The following BCAS3 variants were observed in gnomAD, a reference collection of about 807,000 sequenced individuals.
BCAS3 encodes the protein BCAS3 microtubule associated cell migration factor, also known as BCAS4/BCAS3 fusion.
Under a neutral mutation model 116.1 loss-of-function variants are expected in BCAS3, and 53 were observed. The observed-to-expected ratio is 0.46, with a 90% CI of 0.37 to 0.57. The LOEUF (loss-of-function observed/expected upper bound fraction) is 0.57. Ranked by LOEUF, BCAS3 falls within the 20% of genes least tolerant of loss-of-function variation. The pLI, the probability that BCAS3 is intolerant of heterozygous loss-of-function variation, is 0.00. For missense variants in BCAS3, 917 were observed against 1,165.4 expected (o/e 0.79, Z 3.10); for synonymous variants, 391 against 408.2 (o/e 0.96, Z 0.51).
At chr17:60,989,703 TGA>T (rs2063401660) in intron 14 of BCAS3, among the ~76,000 whole-genome samples, 1 of 152,114 alleles carries the variant, frequency 6.6e-6, no homozygotes, top group African/African-American at 2.4e-5. Context: ...CAAAGGGCAT[TGA>T]GTGTTTTAAG....
intron 22 of BCAS3, among the ~76,000 whole-genome samples, chr17:61,319,065 G>A (rs973455080): frequency 6.6e-6 from 1 of 152,182 alleles, no homozygotes; most frequent in African/African-American, 2.4e-5. Context: ...AGGGCTAGAG[G>A]ATTTCTAAAG....
At chr17:61,079,802 G>A (rs1294632218) in intron 21 of BCAS3, among the ~76,000 whole-genome samples, 2 of 151,256 alleles carry the variant, frequency 1.3e-5, no homozygotes, top group South Asian at 2.1e-4. Flanking sequence ...CAACATTTTG[G>A]CCAGGCTGGT....
intron 7 of BCAS3, among the ~76,000 whole-genome samples, chr17:60,845,702 A>G (rs777573415): frequency 6.6e-6 from 1 of 152,174 alleles, no homozygotes; most frequent in South Asian, 2.1e-4. Flanking sequence ...TGAAAATGCT[A>G]TCGTTCCTAG....
Position 61,161,478 on chromosome 17 carries a change from A to T in BCAS3, c.2425+76914A>T, listed in dbSNP as rs1034198060. ...ATAGCGTTTTCAAATTTATTCTTTA[A>T]AAGACAGAGATAGTGGCACAAAATG... is the stretch of plus-strand genomic sequence containing the variant. On this transcript the variant is annotated intron_variant, in intron 22 of 23. Transcript: ENST00000407086. The surrounding 1 kb of genome is among the most constrained non-coding windows in gnomAD (Gnocchi z 4.8). Among the ~76,000 whole-genome samples the T allele has an allele frequency of 2.6e-5, 4 of 152,198 alleles. No individual in the cohort carries two copies. The highest frequency in any genetic ancestry group is 2.6e-4 in the Admixed American group (4 of 15,282).
At position 61,203,015 on chromosome 17, in the gene BCAS3, T is replaced by C. The variant is rs992578843; in HGVS notation, c.2425+118451T>C. 6.6e-6 allele frequency among the ~76,000 whole-genome samples: 1 copy of C among 152,224 alleles called. No individual in the cohort carries two copies. The highest frequency in any genetic ancestry group is 1.5e-5 in the Non-Finnish European group (1 of 68,038). On this transcript the variant is annotated intron_variant, in intron 22 of 23. Transcript: ENST00000407086. The surrounding 1 kb of genome is among the most constrained non-coding windows in gnomAD (Gnocchi z 5.7). ...GTGAATTAGGGCTAATATTAAATTT[T>C]GTGTGGTTGCTGAAGAAGTTTACTG...
intron 22 of BCAS3, among the ~76,000 whole-genome samples, chr17:61,329,492 C>T (rs926903293): frequency 7.9e-5 from 12 of 152,080 alleles, no homozygotes; most frequent in South Asian, 2.1e-4. Context: ...AGGCGCCCGC[C>T]ACCACGCCCG....
chr17:60,895,527 T>C (rs1156684034), intron 10 of BCAS3, among the ~76,000 whole-genome samples: 2 of 152,202 alleles, frequency 1.3e-5, no homozygotes, highest in African/African-American at 4.8e-5. Flanking sequence ...TCTTTTGTAT[T>C]GTTTCATTAG....
intron 4 of BCAS3, among the ~76,000 whole-genome samples, chr17:60,699,820 G>A (rs941667800): frequency 2.0e-5 from 3 of 147,944 alleles, no homozygotes; most frequent in Non-Finnish European, 4.4e-5. Context: ...CCGAGATCGA[G>A]CCACTGCACT....
chr17:60,772,664 G>C (rs962744324), intron 6 of BCAS3, among the ~76,000 whole-genome samples: 1 of 152,166 alleles, frequency 6.6e-6, no homozygotes, highest in Non-Finnish European at 1.5e-5. Flanking sequence ...TGGATCACTC[G>C]AGGTCAGGAG....
intron 22 of BCAS3, among the ~76,000 whole-genome samples, chr17:61,154,363 C>G (rs746679642): frequency 6.6e-6 from 1 of 152,002 alleles, no homozygotes; most frequent in African/African-American, 2.4e-5. Flanking sequence ...TGGAACAACT[C>G]GGAGGGATTT....
In BCAS3 at chr17:61,300,316, C is replaced by G. The variant is rs971959257; in HGVS notation, c.2426-68011C>G. 6.6e-6 allele frequency among the ~76,000 whole-genome samples: 1 copy of G among 152,012 alleles called. No homozygotes were observed. Among genetic ancestry groups the G allele is most frequent in the Non-Finnish European group, 1.5e-5 (1 of 68,008 alleles). On this transcript the variant is annotated intron_variant, in intron 22 of 23. Coordinates refer to ENST00000407086, the MANE Select transcript of BCAS3 (RefSeq NM_017679.5). The surrounding 1 kb of genome is among the most constrained non-coding windows in gnomAD (Gnocchi z 5.1). ...ATGAAGCACAGAGAAGTGTCTGGTC[C>G]CCATGCCCGCCCTCCTCCCCTTTAA...
At chr17:60,795,109 T>C (rs1260705867) in intron 6 of BCAS3, among the ~76,000 whole-genome samples, 1 of 152,196 alleles carries the variant, frequency 6.6e-6, no homozygotes, top group Admixed American at 6.5e-5. Flanking sequence ...TAGTTTTCCT[T>C]GTAGAGGTCT....
In BCAS3 at chr17:61,343,788, T is replaced by C. The variant is rs147039211; in HGVS notation, c.2426-24539T>C. Among the ~76,000 whole-genome samples the C allele has an allele frequency of 7.4e-4, 113 of 152,378 alleles. 1 individual carries two copies. The highest frequency in any genetic ancestry group is 4.1e-3 in the East Asian group (21 of 5,184). On this transcript the variant is annotated intron_variant, in intron 22 of 23. Coordinates refer to ENST00000407086, the MANE Select transcript of BCAS3 (RefSeq NM_017679.5). This position sits in a 1 kb window ranked among gnomAD's most constrained non-coding sequence, Gnocchi z 5.5. ...TTAATTCCTCTAAAAACAGTGCCCG[T>C]TGGGCATTTTGCCTGGAGAGAGAGA...
intron 9 of BCAS3, among the ~76,000 whole-genome samples, chr17:60,887,780 T>C (rs956214517): frequency 1.3e-5 from 2 of 152,194 alleles, no homozygotes; most frequent in Admixed American, 1.3e-4. Context: ...TTGAAATGAA[T>C]TCAGGTCACC....
Position 61,388,021 on chromosome 17 carries a change from G to A in BCAS3, c.2594-3956G>A, listed in dbSNP as rs977049006. Among the ~76,000 whole-genome samples the A allele has an allele frequency of 6.6e-6, 1 of 152,128 alleles. No individual in the cohort carries two copies. Among genetic ancestry groups the A allele is most frequent in the African/African-American group, 2.4e-5 (1 of 41,416 alleles). On this transcript the variant is annotated intron_variant, in intron 23 of 23. Transcript: ENST00000407086. The surrounding 1 kb of genome is among the most constrained non-coding windows in gnomAD (Gnocchi z 6.5). The stretch of plus-strand genomic sequence containing the variant: ...GACCAGAATCTCCACACCTCTAAGG[G>A]GGGAGGTGGCTGGGGACACTTCCCT...
intron 22 of BCAS3, among the ~76,000 whole-genome samples, chr17:61,187,893 C>G (rs1453169482): frequency 6.6e-6 from 1 of 151,856 alleles, no homozygotes; most frequent in Non-Finnish European, 1.5e-5. Context: ...TTAATCTTGC[C>G]CAATTTTAGA....
chr17:60,749,920 C>A (rs1358963040), intron 6 of BCAS3, among the ~76,000 whole-genome samples: 2 of 152,138 alleles, frequency 1.3e-5, no homozygotes, highest in African/African-American at 4.8e-5. Context: ...GTAATCCCAG[C>A]ACTTTGGGAG....
At chr17:61,055,662 G>A (rs1782177800) in intron 19 of BCAS3, among the ~76,000 whole-genome samples, 1 of 152,070 alleles carries the variant, frequency 6.6e-6, no homozygotes. Context: ...TACATTGCAG[G>A]TTTTAAAATA....
At chr17:60,757,354 AT>A (rs1448349042) in intron 6 of BCAS3, among the ~76,000 whole-genome samples, 3 of 150,426 alleles carry the variant, frequency 2.0e-5, no homozygotes, top group African/African-American at 7.4e-5. Flanking sequence ...AAATAAATAA[AT>A]AAATAAATGA....
Sources: gnomAD v4.1 joint callset for allele counts (sites outside exome capture counted in the v4.1 genomes callset) on GRCh38, gnomAD v4.1.1 for gene constraint, Gnocchi (gnomAD v3.1) non-coding constraint, MANE v1.5 for transcripts, NCBI Gene and HGNC (gene_info 2026-07-23, HGNC 2026-07-21) for gene names.